The following MIA2 variants were observed in gnomAD, a reference collection of about 807,000 sequenced individuals.
MIA2 encodes the protein melanoma inhibitory activity protein 2.
A neutral mutation model predicts 167.8 loss-of-function variants in MIA2; 127 were observed. The ratio of observed to expected loss-of-function variants is 0.76; its 90% confidence interval spans 0.66 to 0.88. The LOEUF is 0.88. Ranked by LOEUF, MIA2 falls within the 40% of genes least tolerant of loss-of-function variation. The pLI, the probability that MIA2 is intolerant of heterozygous loss-of-function variation, is 0.00. For missense variants in MIA2, 1,690 were observed against 1,624.7 expected (o/e 1.04, Z -0.69); for synonymous variants, 552 against 541.9 (o/e 1.02, Z -0.26).
chr14:39,266,395 G>A, intron 6 of MIA2: 1 of 985,384 alleles, frequency 1.0e-6, no homozygotes, highest in Non-Finnish European at 1.2e-6. Flanking sequence ...GCTACTTTTA[G>A]CTCCTCTTCT....
intron 27 of MIA2, among the ~76,000 whole-genome samples, chr14:39,348,297 T>C (rs969014090): frequency 2.0e-5 from 3 of 152,226 alleles, no homozygotes; most frequent in Non-Finnish European, 4.4e-5. Flanking sequence ...ATTTGCAGAC[T>C]AGGAGTTTGA....
intron 14 of MIA2, among the ~76,000 whole-genome samples, chr14:39,301,453 C>A (rs1157025243): frequency 6.6e-6 from 1 of 152,162 alleles, no homozygotes; most frequent in Non-Finnish European, 1.5e-5. Context: ...AGATGCTAAC[C>A]TCAAGCTCTG....
downstream of MIA2, among the ~76,000 whole-genome samples, chr14:39,354,609 G>A (rs868602386): frequency 1.1e-4 from 17 of 152,220 alleles, no homozygotes; most frequent in Middle Eastern, 0.017. Context: ...CATTGCTTTT[G>A]GTGTTTTAGA....
chr14:39,262,137 G>A (rs1314516511), intron 6 of MIA2, among the ~76,000 whole-genome samples: 37 of 152,022 alleles, frequency 2.4e-4, no homozygotes, highest in African/African-American at 7.5e-4. Flanking sequence ...TAATTTTTAA[G>A]TCTTTAATCC....
At chr14:39,248,207 C>T in intron 4 of MIA2, 66 bp downstream of exon 4, 1 of 1,144,718 alleles carries the variant, frequency 8.7e-7, no homozygotes. Flanking sequence ...TTTATAAGTG[C>T]AAATCAGATG....
At chr14:39,303,763 A>G (rs2152894387) in intron 16 of MIA2, among the ~76,000 whole-genome samples, 1 of 152,204 alleles carries the variant, frequency 6.6e-6, no homozygotes, top group South Asian at 2.1e-4. Context: ...TTTTCGGATA[A>G]GACTATATTT....
chr14:39,357,477 G>C (rs555705226), intron 23 of MIA2, among the ~76,000 whole-genome samples: 26 of 147,674 alleles, frequency 1.8e-4, no homozygotes, highest in African/African-American at 6.3e-4. Context: ...CCTGAATACA[G>C]CACACTGATG....
intron 21 of MIA2, among the ~76,000 whole-genome samples, chr14:39,315,972 G>C (rs2065338593): frequency 1.3e-5 from 2 of 152,140 alleles, no homozygotes; most frequent in South Asian, 4.1e-4. Context: ...TGGGGAAGGT[G>C]ATATAATGTT....
chr14:39,386,473 T>A lies in MIA2; in HGVS notation c.2249-412T>A, dbSNP rs149991909. ...TACATCTCTGATTGGCCCAGTCTTT[T>A]ACTGCCTGTACTTCAGGAGACTTGG... On this transcript the variant is annotated intron_variant, in intron 23 of 23. Transcript: ENST00000341502. 35 of 1,516,346 alleles carry A rather than the reference T, an allele frequency of 2.3e-5. No individual in the cohort carries two copies. In the East Asian group the frequency reaches 7.9e-4, roughly 34 times the overall value. 93.9% of individuals were successfully genotyped at this position (1,516,346 alleles called of 1,614,324 possible).
At chr14:39,241,322 A>G (rs2054028225) in intron 3 of MIA2, among the ~76,000 whole-genome samples, 1 of 152,208 alleles carries the variant, frequency 6.6e-6, no homozygotes, top group Middle Eastern at 3.2e-3. Flanking sequence ...AAGTGAGTCT[A>G]TCTAGTTAAA....
chr14:39,303,509 G>T lies in MIA2; in HGVS notation c.2772G>T (p.Leu924=), dbSNP rs1164097127. 1 of 1,610,902 alleles carries T rather than the reference G, an allele frequency of 6.2e-7. No homozygotes were observed. ...DNPPKGALKK[L]IHAAKLNASL... ...CTCCAAAAGGAGCTTTGAAGAAACT[G>T]ATTCATGCTGCTAAGGTTTGTGCTA... Residue 924 remains leucine, a synonymous_variant, in exon 16 of 29, where the codon CTG becomes CTT. Transcript: ENST00000640607.
intron 6 of MIA2, among the ~76,000 whole-genome samples, chr14:39,261,508 A>G (rs559805891): frequency 3.3e-5 from 5 of 152,314 alleles, no homozygotes. Flanking sequence ...TATACCCAGT[A>G]ATAGGATGGC....
chr14:39,269,801 G>A (rs1400058568), intron 6 of MIA2, among the ~76,000 whole-genome samples: 1 of 152,118 alleles, frequency 6.6e-6, no homozygotes, highest in Non-Finnish European at 1.5e-5. Flanking sequence ...GATTACAGGC[G>A]TGAGCCACTT....
At chr14:39,250,886 G>A (rs1029706820) in intron 4 of MIA2, among the ~76,000 whole-genome samples, 5 of 151,514 alleles carry the variant, frequency 3.3e-5, no homozygotes, top group Admixed American at 1.3e-4. Context: ...AAAAAAAGAC[G>A]TCATTTATTA....
At chr14:39,332,499 G>A (rs2069140209) in intron 25 of MIA2, among the ~76,000 whole-genome samples, 1 of 152,170 alleles carries the variant, frequency 6.6e-6, no homozygotes, top group Non-Finnish European at 1.5e-5. Context: ...AAGGAGTTGT[G>A]ATCCTTTGAA....
intron 6 of MIA2, among the ~76,000 whole-genome samples, chr14:39,263,633 C>CTCTTT (rs1555347090): frequency 2.3e-5 from 3 of 130,914 alleles, no homozygotes; most frequent in Admixed American, 8.1e-5. Flanking sequence ...CTCTCTCTCT[C>CTCTTT]TTTTTTTTTT....
chr14:39,333,243 C>T (rs970597353), intron 25 of MIA2, among the ~76,000 whole-genome samples: 2 of 152,106 alleles, frequency 1.3e-5, no homozygotes, highest in Non-Finnish European at 2.9e-5. Context: ...GACATTGTGG[C>T]AATTCTGGAT....
chr14:39,281,145 G>A (rs541971302), intron 9 of MIA2, among the ~76,000 whole-genome samples: 3 of 151,878 alleles, frequency 2.0e-5, no homozygotes, highest in African/African-American at 4.8e-5. Flanking sequence ...GGCTGGTCTC[G>A]AACTCCTGGG....
intron 23 of MIA2, chr14:39,386,107 G>A: frequency 7.8e-7 from 1 of 1,288,578 alleles, no homozygotes; most frequent in Non-Finnish European, 1.1e-6. Flanking sequence ...GGTGCTTGAT[G>A]ACATCAAGCA....
Sources: allele counts gnomAD v4.1 joint callset (sites outside exome capture counted in the v4.1 genomes callset), GRCh38; gene constraint gnomAD v4.1.1; transcripts MANE v1.5; gene names NCBI Gene and HGNC (gene_info 2026-07-23, HGNC 2026-07-21).